Variants in AGBL2 observed in about 807,000 individuals in gnomAD.
AGBL2 encodes the protein AGBL carboxypeptidase 2.
In AGBL2, 87 loss-of-function variants were observed where a neutral mutation model predicts 103.0. The ratio of observed to expected loss-of-function variants is 0.84; its 90% CI spans 0.71 to 1.01. The LOEUF is 1.01. AGBL2 is among the 50% of genes least tolerant of loss of function. The probability of loss-of-function intolerance (pLI) is 0.00; values close to 1 mark genes in which losing one functional copy is unlikely to be tolerated. For synonymous variants in AGBL2, 335 were observed against 356.7 expected (o/e 0.94, Z 0.69); for missense variants, 904 against 1,023.5 (o/e 0.88, Z 1.59).
At chr11:47,680,318 G>A (rs1012254386) in intron 12 of AGBL2, among the ~76,000 whole-genome samples, 13 of 152,108 alleles carry the variant, frequency 8.5e-5, no homozygotes, top group African/African-American at 7.2e-5. Flanking sequence ...GCCGGGCGTG[G>A]TGGTGGGCGC....
intron 5 of AGBL2, 110 bp downstream of exon 5, chr11:47,705,754 T>G: frequency 1.0e-6 from 1 of 956,252 alleles, no homozygotes. Context: ...TCATCAGGCA[T>G]GAATCCCATT....
chr11:47,680,338 G>A (rs1031659107), intron 12 of AGBL2, among the ~76,000 whole-genome samples: 29 of 152,060 alleles, frequency 1.9e-4, no homozygotes, highest in African/African-American at 6.5e-4. Context: ...CCTGTAGCCT[G>A]TAGTCCTATC....
At chr11:47,669,219 C>A (rs1216808803) in intron 14 of AGBL2, among the ~76,000 whole-genome samples, 1 of 152,146 alleles carries the variant, frequency 6.6e-6, no homozygotes, top group South Asian at 2.1e-4. Flanking sequence ...AGGCTCATGC[C>A]GCCATGCCTG....
intron 3 of AGBL2, among the ~76,000 whole-genome samples, chr11:47,712,730 C>A (rs112033684): frequency 1.3e-3 from 191 of 151,872 alleles, no homozygotes; most frequent in African/African-American, 4.3e-3. Flanking sequence ...ATGAGGAAAC[C>A]CTGTGTCTAC....
At chr11:47,685,185 C>T (rs557988929) in intron 11 of AGBL2, among the ~76,000 whole-genome samples, 6 of 151,828 alleles carry the variant, frequency 4.0e-5, no homozygotes, top group Admixed American at 6.6e-5. Flanking sequence ...ACTCCAGCCT[C>T]GACAGAGCGA....
At chr11:47,692,852 C>T (rs892783968) in intron 8 of AGBL2, among the ~76,000 whole-genome samples, 4 of 152,084 alleles carry the variant, frequency 2.6e-5, no homozygotes, top group African/African-American at 9.7e-5. Context: ...GGGTCTCACT[C>T]TATCACCCAG....
chr11:47,681,857 G>T (rs1484853352), intron 12 of AGBL2, 112 bp downstream of exon 12: 3 of 1,322,148 alleles, frequency 2.3e-6, no homozygotes, highest in African/African-American at 1.5e-5. Context: ...TCTAGACAAA[G>T]AAATCCTCTA....
At chr11:47,683,459 A>G (rs369891621) in intron 11 of AGBL2, among the ~76,000 whole-genome samples, 6 of 151,960 alleles carry the variant, frequency 3.9e-5, no homozygotes, top group Admixed American at 6.6e-5. Context: ...TTTTTATCAT[A>G]TATCTTTATG....
In AGBL2 at chr11:47,671,082, A is replaced by G. The variant is rs184468018; in HGVS notation, c.2148-2175T>C. Among the ~76,000 whole-genome samples the G allele has an allele frequency of 2.1e-3, 327 of 152,194 alleles. 2 individuals are homozygous for G. The highest frequency in any genetic ancestry group is 7.6e-3 in the African/African-American group (315 of 41,536). ...CCTCCCCCTTTCTGCAAGGGCTAGG[A>G]TGAATGAAAACTTAAATAATCAAAC... On this transcript the variant is annotated intron_variant, in intron 14 of 18. Coordinates refer to ENST00000525123, the MANE Select transcript of AGBL2 (RefSeq NM_024783.4).
At chr11:47,688,753 G>T (rs2097433851) in intron 10 of AGBL2, among the ~76,000 whole-genome samples, 1 of 152,132 alleles carries the variant, frequency 6.6e-6, no homozygotes, top group East Asian at 1.9e-4. Flanking sequence ...ACTCAGGCCT[G>T]TCTGACTCTG....
chr11:47,675,840 T>C (rs1390503771), intron 14 of AGBL2, among the ~76,000 whole-genome samples: 2 of 151,948 alleles, frequency 1.3e-5, no homozygotes, highest in Non-Finnish European at 2.9e-5. Context: ...ACCTGTTCTC[T>C]ACAAAAAACA....
chr11:47,678,335 A>ATTTTTTTTTTTTTTTTTT (rs771416947), intron 13 of AGBL2, among the ~76,000 whole-genome samples: 3 of 67,782 alleles, frequency 4.4e-5, no homozygotes, highest in South Asian at 5.8e-4. Flanking sequence ...ATTTTATTTT[A>ATTTTTTTTTTTTTTTTTT]TTATTTTATT....
intron 14 of AGBL2, among the ~76,000 whole-genome samples, chr11:47,674,776 C>T (rs1004841780): frequency 6.6e-6 from 1 of 151,860 alleles, no homozygotes. Flanking sequence ...GCTCTTGTTG[C>T]CCAGGCTGGA....
At chr11:47,666,110 T>C (rs1452722561) in intron 17 of AGBL2, among the ~76,000 whole-genome samples, 3 of 151,794 alleles carry the variant, frequency 2.0e-5, no homozygotes, top group African/African-American at 7.3e-5. Flanking sequence ...ATCAATGATT[T>C]TGACTGGGCA....
At chr11:47,675,328 T>C (rs1220211134) in intron 14 of AGBL2, among the ~76,000 whole-genome samples, 1 of 149,838 alleles carries the variant, frequency 6.7e-6, no homozygotes, top group Non-Finnish European at 1.5e-5. Context: ...CTGCCTCAGC[T>C]TCTTAAGTAG....
intron 17 of AGBL2, among the ~76,000 whole-genome samples, chr11:47,666,347 T>C (rs1436552471): frequency 1.3e-5 from 2 of 151,152 alleles, no homozygotes; most frequent in Non-Finnish European, 2.9e-5. Flanking sequence ...TGAGCTGAGA[T>C]TGCCTCTGCA....
intron 4 of AGBL2, 114 bp from the exon 5 acceptor site, chr11:47,706,031 C>T (rs938132134): frequency 1.3e-6 from 1 of 792,200 alleles, no homozygotes; most frequent in Non-Finnish European, 2.2e-6. Context: ...CCCTGCATTT[C>T]TATCTAAATC....
chr11:47,714,391 C>G, intron 2 of AGBL2, 44 bp from the exon 3 acceptor site: 1 of 1,566,806 alleles, frequency 6.4e-7, no homozygotes. Context: ...TGTTTTCAAA[C>G]CATAATAGAC....
Position 47,706,224 on chromosome 11 carries a change from C to T in AGBL2, c.233-307G>A, listed in dbSNP as rs2097518549. On this transcript the variant is annotated intron_variant, in intron 4 of 18. Coordinates refer to ENST00000525123, the MANE Select transcript of AGBL2 (RefSeq NM_024783.4). ...ATTACCTGAGGTTGGGAGTTCAAGA[C>T]CAGCCTGGCCGGCTGGGCGCGGTGG... is the stretch of plus-strand genomic sequence containing the variant. Among the ~76,000 whole-genome samples the T allele has an allele frequency of 2.0e-5, 3 of 152,010 alleles. No individual in the cohort carries two copies. The South Asian group carries it at 6.2e-4, about 31-fold the overall frequency.
Sources: allele counts gnomAD v4.1 joint callset (sites outside exome capture counted in the v4.1 genomes callset), GRCh38; gene constraint gnomAD v4.1.1; transcripts MANE v1.5; gene names NCBI Gene and HGNC (gene_info 2026-07-23, HGNC 2026-07-21).